Variants in ADCY2 observed in about 807,000 individuals in gnomAD.
ADCY2 encodes adenylate cyclase 2.
ADCY2 carries 31 observed loss-of-function variants against 125.2 expected under a neutral mutation model. That is an observed-to-expected ratio of 0.25 (90% CI 0.19 to 0.33). The LOEUF (loss-of-function observed/expected upper bound fraction) is 0.33, where lower values mean the gene tolerates loss of function less well. Among genes scored for constraint, ADCY2 ranks in the 10% least tolerant of loss-of-function variants. The pLI is 1.00. For missense variants in ADCY2, 904 were observed against 1,418.2 expected (o/e 0.64, Z 5.82); for synonymous variants, 512 against 548.4 (o/e 0.93, Z 0.93).
intron 3 of ADCY2, among the ~76,000 whole-genome samples, chr5:7,534,541 G>A (rs866942253): frequency 2.0e-5 from 3 of 152,228 alleles, no homozygotes; most frequent in Non-Finnish European, 4.4e-5. Context: ...AGTGAGCAGA[G>A]TTTTATCATA....
chr5:7,441,743 G>T (rs1461132839), intron 2 of ADCY2, among the ~76,000 whole-genome samples: 3 of 152,130 alleles, frequency 2.0e-5, no homozygotes, highest in Non-Finnish European at 4.4e-5. Context: ...AAGGAATTTT[G>T]TAGATATGGT....
intron 4 of ADCY2, among the ~76,000 whole-genome samples, chr5:7,644,506 A>T (rs1287947308): frequency 6.6e-6 from 1 of 152,148 alleles, no homozygotes; most frequent in South Asian, 2.1e-4. Context: ...TTAGCCCATC[A>T]TACATTTTTA....
At chr5:7,524,748 G>A (rs757540144) in intron 3 of ADCY2, among the ~76,000 whole-genome samples, 3 of 152,126 alleles carry the variant, frequency 2.0e-5, no homozygotes, top group South Asian at 2.1e-4. Flanking sequence ...CTCCCGGAGC[G>A]CAATCAGGGC....
chr5:7,712,126 G>A (rs1218628663), intron 10 of ADCY2, among the ~76,000 whole-genome samples: 3 of 152,094 alleles, frequency 2.0e-5, no homozygotes, highest in African/African-American at 7.2e-5. Flanking sequence ...CCTTTCCGTA[G>A]GCTAAATCCA....
intron 17 of ADCY2, among the ~76,000 whole-genome samples, chr5:7,767,872 T>TA (rs940206799): frequency 1.2e-3 from 186 of 150,958 alleles, no homozygotes; most frequent in Middle Eastern, 3.4e-3. Flanking sequence ...CTACTAAAAA[T>TA]AAAAAAAAAT....
intron 2 of ADCY2, among the ~76,000 whole-genome samples, chr5:7,442,492 C>T (rs560819084): frequency 2.6e-5 from 4 of 152,024 alleles, no homozygotes; most frequent in Non-Finnish European, 4.4e-5. Context: ...GGTGTGTGTT[C>T]CCCTGGTTGT....
intron 4 of ADCY2, among the ~76,000 whole-genome samples, chr5:7,641,787 G>C (rs2126674336): frequency 6.6e-6 from 1 of 152,204 alleles, no homozygotes; most frequent in Non-Finnish European, 1.5e-5. Context: ...TTGGTTTTCT[G>C]TGTTTTGTGT....
intron 7 of ADCY2, among the ~76,000 whole-genome samples, chr5:7,702,528 T>C (rs1409372805): frequency 1.3e-5 from 2 of 152,160 alleles, no homozygotes; most frequent in Admixed American, 6.5e-5. Context: ...GGTTTCCAGC[T>C]TCATCCATGT....
At chr5:7,629,340 A>G (rs146897744) in intron 4 of ADCY2, among the ~76,000 whole-genome samples, 10 of 152,280 alleles carry the variant, frequency 6.6e-5, no homozygotes, top group Admixed American at 1.3e-4. Context: ...GGGCACTGAA[A>G]CTATTGGGAC....
In ADCY2 at chr5:7,462,393, G is replaced by A. The variant is rs190928296; in HGVS notation, c.408+47623G>A. ...CTGATTGATAATAACTAGGTCAGTCGCCAAGTTTTAATTTCTTGATTAAAT... is the reference window on the plus strand; with the variant it reads ...CTGATTGATAATAACTAGGTCAGTCACCAAGTTTTAATTTCTTGATTAAAT... On this transcript the variant is annotated intron_variant, in intron 2 of 24. Coordinates refer to ENST00000338316, the MANE Select transcript of ADCY2 (RefSeq NM_020546.3). Among the ~76,000 whole-genome samples, 292 of 152,202 alleles carry A rather than the reference G, an allele frequency of 1.9e-3. 1 individual carries two copies. Among genetic ancestry groups the A allele is most frequent in the Non-Finnish European group, 3.4e-3 (230 of 68,012 alleles).
At chr5:7,701,727 C>T (rs866494153) in intron 7 of ADCY2, among the ~76,000 whole-genome samples, 3 of 152,170 alleles carry the variant, frequency 2.0e-5, no homozygotes, top group African/African-American at 4.8e-5. Context: ...GGATATTTCA[C>T]GTAAATGGAA....
intron 2 of ADCY2, among the ~76,000 whole-genome samples, chr5:7,500,998 G>A (rs542103095): frequency 6.6e-4 from 100 of 152,190 alleles, no homozygotes; most frequent in African/African-American, 2.3e-3. Context: ...TTCTAAGTTC[G>A]TCAAGTGATT....
Position 7,773,083 on chromosome 5 carries a change from G to A in ADCY2, c.2366G>A (p.Ser789Asn). 6.2e-7 allele frequency: 1 copy of A among 1,613,970 alleles called. No homozygotes were observed. The highest frequency in any genetic ancestry group is 1.1e-5 in the South Asian group (1 of 91,032). ...CACGCCCACGTCCTGGGCGACTACA[G>A]CCAGGTCTTATTTGAGAGGTGAGCC... ...HTHAHVLGDY[S>N]QVLFERPGIW... Residue 789 changes from serine to asparagine, a missense_variant, in exon 18 of 25, where the codon AGC becomes AAC. Ser to Asn is a conservative substitution (Grantham distance 46). Coordinates refer to ENST00000338316, the MANE Select transcript of ADCY2 (RefSeq NM_020546.3).
chr5:7,723,113 T>C (rs1248721883), intron 12 of ADCY2, among the ~76,000 whole-genome samples: 2 of 113,990 alleles, frequency 1.8e-5, no homozygotes, highest in Admixed American at 2.3e-4. Context: ...CACGGACACA[T>C]AGAGGACAAT....
Position 7,826,948 on chromosome 5 carries a change from C to G in ADCY2, c.*77C>G. On this transcript the variant is annotated 3_prime_UTR_variant, in exon 25 of 25. Transcript: ENST00000338316. The stretch of plus-strand genomic sequence containing the variant: ...CACTTTCTGACTGCAACTTCTGTCC[C>G]TTGTTTTTGATGTGCGTGCTGTCTG... The G allele has an allele frequency of 6.6e-7, 1 of 1,522,928 alleles. No individual in the cohort carries two copies. The highest frequency in any genetic ancestry group is 8.8e-7 in the Non-Finnish European group (1 of 1,132,414). The allele number at this position is 1,522,928 out of a possible 1,614,324, so 94.3% of individuals were successfully genotyped here. A position where few individuals can be genotyped will look rare whatever the true frequency, so the allele number is the denominator to read the frequency against.
In ADCY2 at chr5:7,802,318, T is replaced by G; in HGVS notation, c.2729T>G (p.Leu910Trp). The G allele has an allele frequency of 6.2e-7, 1 of 1,614,206 alleles. No individual in the cohort carries two copies. The highest frequency in any genetic ancestry group is 8.5e-7 in the Non-Finnish European group (1 of 1,180,038). ...GAATCCGACGTGAACAAGGAGGGCT[T>G]GGAATGCCTTCGGCTCCTGAACGAG... ...YTESDVNKEGLECLRLLNEII... is the reference protein window; with the variant it reads ...YTESDVNKEGWECLRLLNEII... The change falls in exon 21 of 25, where the codon TTG (leucine) becomes TGG (tryptophan). Residue 910 changes from leucine to tryptophan, a missense_variant. Physicochemically the swap from Leu to Trp is moderately conservative, Grantham distance 61. Around this residue, in one of 7 missense-constraint regions of ADCY2, gnomAD observed 181 missense variants for 381.6 expected, o/e 0.47. Coordinates refer to ENST00000338316, the MANE Select transcript of ADCY2 (RefSeq NM_020546.3). This position sits in a 1 kb window ranked among gnomAD's most constrained non-coding sequence, Gnocchi z 4.6.
intron 2 of ADCY2, among the ~76,000 whole-genome samples, chr5:7,488,405 T>G (rs1184499596): frequency 6.6e-6 from 1 of 152,152 alleles, no homozygotes; most frequent in Non-Finnish European, 1.5e-5. Flanking sequence ...TAATACATCT[T>G]GCCAGGATTT....
intron 15 of ADCY2, among the ~76,000 whole-genome samples, chr5:7,747,203 G>A (rs189857572): frequency 3.9e-5 from 6 of 152,220 alleles, no homozygotes; most frequent in South Asian, 4.2e-4. Flanking sequence ...TCTTGTGCAC[G>A]TGGGTGGGCC....
At chr5:7,671,534 G>A (rs970683090) in intron 4 of ADCY2, among the ~76,000 whole-genome samples, 1 of 152,158 alleles carries the variant, frequency 6.6e-6, no homozygotes, top group Non-Finnish European at 1.5e-5. Context: ...AGCTGCCTTG[G>A]AAACTTCTTA....
Sources: gnomAD v4.1 joint callset for allele counts (sites outside exome capture counted in the v4.1 genomes callset) on GRCh38, gnomAD v4.1.1 for gene constraint, gnomAD v4.1.1 regional missense constraint, Gnocchi (gnomAD v3.1) non-coding constraint, MANE v1.5 for transcripts, NCBI Gene and HGNC (gene_info 2026-07-23, HGNC 2026-07-21) for gene names.